The following ASAP2 variants were observed in gnomAD, a reference collection of about 807,000 sequenced individuals.
ASAP2 encodes the protein ArfGAP with SH3 domain, ankyrin repeat and PH domain 2, also known as arf-GAP with SH3 domain, ANK repeat and PH domain-containing protein 2.
ASAP2 carries 45 observed loss-of-function variants against 131.4 expected under a neutral mutation model. The ratio of observed to expected loss-of-function variants is 0.34; its 90% CI spans 0.27 to 0.44. The LOEUF (loss-of-function observed/expected upper bound fraction) is 0.44, where lower values mean the gene tolerates loss of function less well. Among genes scored for constraint, ASAP2 ranks in the 20% least tolerant of loss-of-function variants. The pLI, the probability that ASAP2 is intolerant of heterozygous loss-of-function variation, is 1.00. For synonymous variants in ASAP2, 510 were observed against 503.0 expected (o/e 1.01, Z -0.19); for missense variants, 1,011 against 1,297.0 (o/e 0.78, Z 3.39).
intron 1 of ASAP2, among the ~76,000 whole-genome samples, chr2:9,266,252 T>C (rs1055789964): frequency 6.6e-6 from 1 of 150,932 alleles, no homozygotes; most frequent in Non-Finnish European, 1.5e-5. Context: ...ACTCAAGTGA[T>C]CCTCCTGCTT....
At chr2:9,338,801 C>G (rs1218050687) in intron 9 of ASAP2, among the ~76,000 whole-genome samples, 2 of 152,186 alleles carry the variant, frequency 1.3e-5, no homozygotes, top group African/African-American at 4.8e-5. Flanking sequence ...GAAGCAGTGT[C>G]TGCCCAGTGC....
chr2:9,314,922 CAAAAAAAAAAAAAA>C, intron 3 of ASAP2, among the ~76,000 whole-genome samples: 1 of 102,306 alleles, frequency 9.8e-6, no homozygotes, highest in East Asian at 3.1e-4. Flanking sequence ...GACTCCATCT[CAAAAAAAAAAAAAA>C]AAAAAAATAG....
intron 9 of ASAP2, among the ~76,000 whole-genome samples, chr2:9,341,543 G>A (rs1400240770): frequency 2.0e-5 from 3 of 152,086 alleles, no homozygotes; most frequent in Admixed American, 6.5e-5. Context: ...TAATATGCGC[G>A]GCACGAACAG....
At chr2:9,225,261 G>A (rs1662678176) in intron 1 of ASAP2, among the ~76,000 whole-genome samples, 1 of 152,036 alleles carries the variant, frequency 6.6e-6, no homozygotes, top group South Asian at 2.1e-4. Context: ...GAGTGAGTGT[G>A]GGTAGATCTG....
intron 3 of ASAP2, among the ~76,000 whole-genome samples, chr2:9,304,982 T>C (rs887230670): frequency 3.3e-5 from 5 of 149,756 alleles, no homozygotes; most frequent in Non-Finnish European, 5.9e-5. Flanking sequence ...GGTATAGATA[T>C]TGGTGGACAA....
In ASAP2 at chr2:9,367,638, A is replaced by G. The variant is rs554993049; in HGVS notation, c.1462-787A>G. On this transcript the variant is annotated intron_variant, in intron 15 of 27. Transcript: ENST00000281419. The stretch of plus-strand genomic sequence containing the variant: ...CAGCTGGGCGTGGTGGCGTGTGCCT[A>G]TAGTCCCCGCTGCTTGGGAACCTGA... Among the ~76,000 whole-genome samples, 5 of 152,108 alleles carry G rather than the reference A, an allele frequency of 3.3e-5. No individual in the cohort carries two copies. The South Asian group carries it at 8.3e-4, about 25-fold the overall frequency.
intron 2 of ASAP2, among the ~76,000 whole-genome samples, chr2:9,286,437 GAAA>G (rs556978805): frequency 3.9e-5 from 5 of 128,926 alleles, no homozygotes; most frequent in East Asian, 2.0e-4. Context: ...TTTAAAAAAG[GAAA>G]AAAAAAAATA....
intron 1 of ASAP2, among the ~76,000 whole-genome samples, chr2:9,262,817 G>A (rs978466509): frequency 3.9e-5 from 6 of 152,212 alleles, no homozygotes; most frequent in African/African-American, 1.4e-4. Context: ...TGATGATGGC[G>A]TCTCCAGGCT....
In ASAP2 at chr2:9,311,877, G is replaced by C. The variant is rs1003208467; in HGVS notation, c.346-6647G>C. ...GGAAATTCTCCCTGAGCCACCAGGC[G>C]TGTGTGCTGTGTGGATTGCATACAC... On this transcript the variant is annotated intron_variant, in intron 3 of 27. Coordinates refer to ENST00000281419, the MANE Select transcript of ASAP2 (RefSeq NM_003887.3). This position sits in a 1 kb window ranked among gnomAD's most constrained non-coding sequence, Gnocchi z 5.2. Among the ~76,000 whole-genome samples, 2 of 152,216 alleles carry C rather than the reference G, an allele frequency of 1.3e-5. No homozygotes were observed. The highest frequency in any genetic ancestry group is 4.8e-5 in the African/African-American group (2 of 41,456).
chr2:9,275,474 G>A (rs1666701209), intron 1 of ASAP2, among the ~76,000 whole-genome samples: 1 of 152,210 alleles, frequency 6.6e-6, no homozygotes, highest in Admixed American at 6.5e-5. Context: ...AAATCTGGTT[G>A]AGAGAGACAG....
intron 1 of ASAP2, among the ~76,000 whole-genome samples, chr2:9,265,940 T>G (rs1274422969): frequency 6.6e-6 from 1 of 151,938 alleles, no homozygotes; most frequent in Non-Finnish European, 1.5e-5. Context: ...GCCCAGCTAA[T>G]TTTTTGTATT....
chr2:9,356,534 A>G (rs1672717418), intron 14 of ASAP2, among the ~76,000 whole-genome samples, 189 bp downstream of exon 14: 1 of 152,184 alleles, frequency 6.6e-6, no homozygotes, highest in Non-Finnish European at 1.5e-5. Flanking sequence ...GGGCGGGAAG[A>G]TGTTTGCCTG....
chr2:9,291,237 T>C (rs919271766), intron 2 of ASAP2, among the ~76,000 whole-genome samples: 6 of 152,226 alleles, frequency 3.9e-5, no homozygotes, highest in African/African-American at 1.4e-4. Flanking sequence ...TTCCTTAGGA[T>C]AGATTTCTGG....
At position 9,311,258 on chromosome 2, in the gene ASAP2, C is replaced by T. The variant is rs1272438351; in HGVS notation, c.346-7266C>T. Among the ~76,000 whole-genome samples, 2 of 151,550 alleles carry T rather than the reference C, an allele frequency of 1.3e-5. No homozygotes were observed. The highest frequency in any genetic ancestry group is 2.9e-5 in the Non-Finnish European group (2 of 67,922). On this transcript the variant is annotated intron_variant, in intron 3 of 27. Transcript: ENST00000281419. The surrounding 1 kb of genome is among the most constrained non-coding windows in gnomAD (Gnocchi z 5.2). ...AATAAAAATAAAAAAATTAGCCAGGCATGGTGGCTCATGCCTGTGGTCCCA... is the reference window on the plus strand; with the variant it reads ...AATAAAAATAAAAAAATTAGCCAGGTATGGTGGCTCATGCCTGTGGTCCCA...
rs778703148 is a variant in ASAP2 at position 9,403,319 on chromosome 2, G to A, written c.3013G>A (p.Ala1005Thr). 5.6e-6 allele frequency: 9 copies of A among 1,613,834 alleles called. No homozygotes were observed. Among genetic ancestry groups the A allele is most frequent in the African/African-American group, 1.3e-5 (1 of 74,926 alleles). The stretch of plus-strand genomic sequence containing the variant: ...CCCGGTGTCATTTGTGCACTTTATC[G>A]CTGACTGAATTGCTACTGAACAAAA... Reference protein sequence around the residue: ...AFPVSFVHFIAD With the variant: ...AFPVSFVHFITD Residue 1005 changes from alanine (A) to threonine (T), a missense_variant, in exon 28 of 28, where the codon GCT (alanine) becomes ACT (threonine). Physicochemically the swap from Ala to Thr is moderately conservative, Grantham distance 58 (BLOSUM62 0). This residue lies in a region of ASAP2 where 652 missense variants were observed against 698.9 expected (regional missense o/e 0.93). Transcript: ENST00000281419.
chr2:9,277,955 C>G (rs1456943639), intron 1 of ASAP2, among the ~76,000 whole-genome samples: 1 of 152,170 alleles, frequency 6.6e-6, no homozygotes, highest in Admixed American at 6.5e-5. Context: ...CTATTGAAAA[C>G]TGGTTCAAAA....
chr2:9,283,082 TC>T (rs1324231532), intron 2 of ASAP2, among the ~76,000 whole-genome samples: 5 of 151,374 alleles, frequency 3.3e-5, no homozygotes, highest in Admixed American at 2.6e-4. Context: ...CTTTTTTTTT[TC>T]CTCTCTTTTT....
chr2:9,303,647 A>G (rs560438584), intron 3 of ASAP2, among the ~76,000 whole-genome samples: 1 of 152,258 alleles, frequency 6.6e-6, no homozygotes. Flanking sequence ...AAAGACTTCA[A>G]CGCTAAGCTA....
intron 24 of ASAP2, among the ~76,000 whole-genome samples, chr2:9,397,793 C>T (rs1676285507): frequency 8.9e-6 from 1 of 112,006 alleles, no homozygotes; most frequent in Admixed American, 1.2e-4. Context: ...GAGTCTCGCT[C>T]TGTCGCCCAG....
Sources: allele counts gnomAD v4.1 joint callset (sites outside exome capture counted in the v4.1 genomes callset), GRCh38; gene constraint gnomAD v4.1.1; regional missense constraint gnomAD v4.1.1; non-coding constraint Gnocchi (gnomAD v3.1); transcripts MANE v1.5; gene names NCBI Gene and HGNC (gene_info 2026-07-23, HGNC 2026-07-21).